The following SEC24B variants were observed in gnomAD, a reference collection of about 807,000 sequenced individuals.
SEC24B encodes protein transport protein Sec24B.
A neutral mutation model predicts 142.8 loss-of-function variants in SEC24B; 45 were observed. The observed-to-expected ratio is 0.32, with a 90% CI of 0.25 to 0.40. SEC24B has a LOEUF of 0.40. SEC24B is among the 10% of genes least tolerant of loss of function. SEC24B has a pLI of 1.00. For synonymous variants in SEC24B, 574 were observed against 568.2 expected (o/e 1.01, Z -0.15); for missense variants, 1,409 against 1,526.8 (o/e 0.92, Z 1.29).
intron 8 of SEC24B, 40 bp from the exon 9 acceptor site, chr4:109,511,917 G>T (rs1338144475): frequency 1.2e-6 from 2 of 1,603,414 alleles, no homozygotes; most frequent in Non-Finnish European, 8.5e-7. Context: ...TTTCCTTGGG[G>T]TGCCTTTTTC....
In SEC24B at chr4:109,463,447, T is replaced by C. The variant is rs200924216; in HGVS notation, c.680T>C (p.Phe227Ser). The C allele has an allele frequency of 5.1e-4, 831 of 1,614,110 alleles. 4 individuals carry two copies. In the Middle Eastern group the frequency reaches 5.6e-3, roughly 11 times the overall value. ...GTTAGGCCAGTTAAAGATAATTCAT[T>C]CTCTGGTCAAAATACAGCTATCAGC... is the stretch of plus-strand genomic sequence containing the variant. The part of the protein sequence containing the change: ...PTVRPVKDNS[F>S]SGQNTAISHP... The change falls in exon 2 of 24, where the codon TTC (phenylalanine) becomes TCC (serine). Residue 227 changes from phenylalanine to serine, a missense_variant. Transcript: ENST00000265175.
At chr4:109,521,752 GACGTGGTCTC>G in intron 14 of SEC24B, 126 bp downstream of exon 14, 5 of 769,964 alleles carry the variant, frequency 6.5e-6, no homozygotes. Flanking sequence ...TCTTTTTTGA[GACGTGGTCTC>G]ACACTGTTGC....
Position 109,481,801 on chromosome 4 carries a change from C to G in SEC24B, c.1165+20C>G. 1 of 1,566,504 alleles carries G rather than the reference C, an allele frequency of 6.4e-7. No homozygotes were observed. The highest frequency in any genetic ancestry group is 8.8e-7 in the Non-Finnish European group (1 of 1,138,606). Reference sequence around the variant, plus strand: ...AAGCAGGTCTGCTTTAGCTTTACACCAGTTCTTGATCTTTTCCTGCTCAAG... The same window carrying G: ...AAGCAGGTCTGCTTTAGCTTTACACGAGTTCTTGATCTTTTCCTGCTCAAG... On this transcript the variant is annotated intron_variant, in intron 4 of 23. Transcript: ENST00000265175.
At chr4:109,521,345 C>A in intron 13 of SEC24B, 75 bp from the exon 14 acceptor site, 1 of 1,279,870 alleles carries the variant, frequency 7.8e-7, no homozygotes. Context: ...ACACATGATA[C>A]ACTATGGAAT....
chr4:109,530,614 C>A, intron 19 of SEC24B, 150 bp downstream of exon 19: 2 of 705,744 alleles, frequency 2.8e-6, no homozygotes, highest in Non-Finnish European at 4.5e-6. Flanking sequence ...AGAAAAAGAT[C>A]AATGGGGCCA....
rs1723022123 is a variant in SEC24B, at chr4:109,517,141, CAG to C, written c.2126+502_2126+503del. Among the ~76,000 whole-genome samples the C allele has an allele frequency of 3.9e-5, 6 of 152,252 alleles. No homozygotes were observed. In the South Asian group the frequency reaches 8.3e-4, roughly 21 times the overall value. The stretch of plus-strand genomic sequence containing the variant: ...GGAATATATCCAAAGAAAATAAAAT[CAG>C]TGTGTGGAAGATATATCTGCACTCC... On this transcript the variant is annotated intron_variant, in intron 11 of 23. Transcript: ENST00000265175.
At chr4:109,515,584 TC>T (rs1263764238) in intron 10 of SEC24B, among the ~76,000 whole-genome samples, 1 of 151,978 alleles carries the variant, frequency 6.6e-6, no homozygotes, top group Admixed American at 6.6e-5. Flanking sequence ...TACCTTGGCT[TC>T]CCAAAAGTGC....
At chr4:109,468,188 A>G (rs1027259260) in intron 2 of SEC24B, among the ~76,000 whole-genome samples, 3 of 152,224 alleles carry the variant, frequency 2.0e-5, no homozygotes, top group Non-Finnish European at 4.4e-5. Context: ...ACAAGAGACT[A>G]TTTTTAGTTT....
chr4:109,446,462 A>G (rs1365562763), intron 1 of SEC24B, among the ~76,000 whole-genome samples: 1 of 152,244 alleles, frequency 6.6e-6, no homozygotes, highest in East Asian at 1.9e-4. Context: ...CTGATTTTGG[A>G]CCTCTGACCT....
intron 7 of SEC24B, among the ~76,000 whole-genome samples, chr4:109,508,798 A>G (rs1263956082): frequency 6.6e-6 from 1 of 152,182 alleles, no homozygotes; most frequent in African/African-American, 2.4e-5. Context: ...TCAACTGTAA[A>G]ACAGGAATAA....
At chr4:109,536,721 G>A (rs756986644) in intron 22 of SEC24B, among the ~76,000 whole-genome samples, 25 of 152,032 alleles carry the variant, frequency 1.6e-4, no homozygotes, top group Non-Finnish European at 2.2e-4. Flanking sequence ...AGTAGAGATG[G>A]AGTTTCACTG....
rs138087482 is a variant in SEC24B at position 109,436,257 on chromosome 4, ATC to A, written c.133+2259_133+2260del. On this transcript the variant is annotated intron_variant, in intron 1 of 23. Transcript: ENST00000265175. ...AGTTTAAGTAGAGAAACAAGATTAA[ATC>A]TCTTTTTGTTTTGTTTGCTAATCTC... is the stretch of plus-strand genomic sequence containing the variant. Among the ~76,000 whole-genome samples the A allele has an allele frequency of 3.6e-3, 540 of 151,690 alleles. 7 individuals are homozygous for A. The highest frequency in any genetic ancestry group is 0.017 in the East Asian group (88 of 5,142).
chr4:109,493,523 TTC>T (rs1321495908), intron 5 of SEC24B, among the ~76,000 whole-genome samples: 3 of 152,352 alleles, frequency 2.0e-5, no homozygotes, highest in African/African-American at 4.8e-5. Flanking sequence ...GTTTTCCACT[TTC>T]TGTTTTAAAT....
chr4:109,507,808 G>A (rs1736864534), intron 7 of SEC24B, among the ~76,000 whole-genome samples: 1 of 151,920 alleles, frequency 6.6e-6, no homozygotes, highest in South Asian at 2.1e-4. Flanking sequence ...ACCACACCCA[G>A]CTAATTTTGT....
chr4:109,501,794 T>G (rs916927873), intron 6 of SEC24B, among the ~76,000 whole-genome samples: 19 of 152,226 alleles, frequency 1.2e-4, no homozygotes, highest in African/African-American at 3.6e-4. Flanking sequence ...TTTAAGACTT[T>G]AGAATTTCTC....
At chr4:109,518,603 T>G (rs1723236526) in intron 11 of SEC24B, among the ~76,000 whole-genome samples, 1 of 152,170 alleles carries the variant, frequency 6.6e-6, no homozygotes. Context: ...GTTCAAGATT[T>G]TAAAAATTGA....
intron 1 of SEC24B, among the ~76,000 whole-genome samples, chr4:109,457,266 G>A (rs1730780839): frequency 6.6e-6 from 1 of 152,206 alleles, no homozygotes; most frequent in Non-Finnish European, 1.5e-5. Flanking sequence ...TTTTTCTGCA[G>A]TTATGAAGTC....
rs754465980 is a variant in SEC24B, at chr4:109,516,564, T to G, written c.2050T>G (p.Leu684Val). The change falls in exon 11 of 24, where the codon TTA becomes GTA. Residue 684 changes from leucine (L) to valine (V), a missense_variant. Leu to Val is a conservative substitution (Grantham distance 32, BLOSUM62 1). Coordinates refer to ENST00000265175, the MANE Select transcript of SEC24B (RefSeq NM_006323.5). The part of the protein sequence containing the change: ...PPQPAVYLFV[L>V]DVSHNAVEAG... ...TCAACCTGCAGTTTACTTGTTTGTTTTAGATGTGTCTCATAATGCAGTGGA... is the reference window on the plus strand; with the variant it reads ...TCAACCTGCAGTTTACTTGTTTGTTGTAGATGTGTCTCATAATGCAGTGGA... The G allele has an allele frequency of 1.9e-6, 3 of 1,613,112 alleles. No homozygotes were observed. The highest frequency in any genetic ancestry group is 1.3e-5 in the African/African-American group (1 of 74,912).
intron 9 of SEC24B, among the ~76,000 whole-genome samples, chr4:109,513,079 ATTC>A (rs143995873): frequency 0.091 from 13,483 of 147,416 alleles, 683 homozygotes; most frequent in Middle Eastern, 0.19. Flanking sequence ...GGTTCAAGCA[ATTC>A]TTCTGCCTCA....
Sources: allele counts gnomAD v4.1 joint callset (sites outside exome capture counted in the v4.1 genomes callset), GRCh38; gene constraint gnomAD v4.1.1; transcripts MANE v1.5; gene names NCBI Gene and HGNC (gene_info 2026-07-23, HGNC 2026-07-21).